The following KCNN4 variants were observed in gnomAD, a reference collection of about 807,000 sequenced individuals.
KCNN4 encodes the protein intermediate conductance calcium-activated potassium channel protein 4.
In KCNN4, 31 loss-of-function variants were observed where a neutral mutation model predicts 45.2. The ratio of observed to expected loss-of-function variants is 0.69; its 90% CI spans 0.52 to 0.92. The LOEUF is 0.92. Among genes scored for constraint, KCNN4 ranks in the 40% least tolerant of loss-of-function variants. The pLI, the probability that KCNN4 is intolerant of heterozygous loss-of-function variation, is 0.00. For synonymous variants in KCNN4, 231 were observed against 254.6 expected, an observed-to-expected ratio of 0.91 and a Z score of 0.88; for missense variants, 463 against 574.0, an observed-to-expected ratio of 0.81 and a Z score of 1.98.
rs200483738 is a variant in KCNN4, at chr19:43,774,335, G to C, written c.540C>G (p.Arg180=). ...GGACTTGATTGAGAGCGCCGATGCT[G>C]CGGTAGGAAGCGTTGAGCAGGACGC... The part of the protein sequence containing the change: ...RSGVLLNASY[R]SIGALNQVRF... The change falls in exon 3 of 9, where the codon CGC becomes CGG. Residue 180 remains arginine, a synonymous_variant. Transcript: ENST00000648319. The surrounding 1 kb of genome is among the most constrained non-coding windows in gnomAD (Gnocchi z 5.6). The C allele has an allele frequency of 6.3e-5, 101 of 1,610,826 alleles. No individual in the cohort carries two copies. The African/African-American group carries it at 1.1e-3, about 18-fold the overall frequency.
At position 43,771,982 on chromosome 19, in the gene KCNN4, C is replaced by A; in HGVS notation, c.819+18G>T. 2.5e-6 allele frequency: 4 copies of A among 1,585,368 alleles called. No individual in the cohort carries two copies. The highest frequency in any genetic ancestry group is 3.4e-6 in the Non-Finnish European group (4 of 1,166,964). On this transcript the variant is annotated intron_variant, in intron 4 of 8. Transcript: ENST00000648319. ...CAGTTTGGGATAGGGATCATGTCCC[C>A]AAGGCAGCTGTACTCACCATGACTC...
chr19:43,780,660 C>T, intron 1 of KCNN4, 43 bp downstream of exon 1: 2 of 1,569,794 alleles, frequency 1.3e-6, no homozygotes, highest in Non-Finnish European at 1.7e-6. Flanking sequence ...CCTCCTCCCT[C>T]AGACCTAGGA....
chr19:43,768,533 T>C (rs186941830), intron 7 of KCNN4, among the ~76,000 whole-genome samples: 1 of 152,326 alleles, frequency 6.6e-6, no homozygotes, highest in Non-Finnish European at 1.5e-5. Flanking sequence ...GCAGCAGAGA[T>C]TGAGTTTTAC....
Position 43,776,370 on chromosome 19 carries a change from C to T in KCNN4, c.255+171G>A, listed in dbSNP as rs1599679357. On this transcript the variant is annotated intron_variant, in intron 2 of 8. Transcript: ENST00000648319. ...GGCGGAGCTGGTGGGGGAGGCTCTG[C>T]CTGTCTGCTCATGGTTCATCCCATC... is the stretch of plus-strand genomic sequence containing the variant. 4.6e-5 allele frequency among the ~76,000 whole-genome samples: 7 copies of T among 152,066 alleles called. No homozygotes were observed. In the South Asian group the frequency reaches 1.5e-3, roughly 32 times the overall value.
rs778164116 is a variant in KCNN4 at position 43,774,568 on chromosome 19, G to A, written c.307C>T (p.Arg103Trp). The A allele has an allele frequency of 1.3e-6, 2 of 1,547,950 alleles. No individual in the cohort carries two copies. The highest frequency in any genetic ancestry group is 1.7e-4 in the Middle Eastern group (1 of 5,732). Residue 103 changes from arginine (R) to tryptophan (W), a missense_variant, in exon 3 of 9, where the codon CGG (arginine) becomes TGG (tryptophan). Arg to Trp is a moderately radical substitution (Grantham distance 101). Coordinates refer to ENST00000648319, the MANE Select transcript of KCNN4 (RefSeq NM_002250.3). This position sits in a 1 kb window ranked among gnomAD's most constrained non-coding sequence, Gnocchi z 5.6. The part of the protein sequence containing the change: ...LRDWRVALTG[R>W]QAAQIVLELV... The stretch of plus-strand genomic sequence containing the variant: ...TCCAGCACGATCTGCGCCGCCTGCC[G>A]CCCGGTCAGCGCCACGCGCCAGTCC...
chr19:43,771,934 G>T (rs1969654901), intron 4 of KCNN4, 66 bp downstream of exon 4: 2 of 1,508,432 alleles, frequency 1.3e-6, no homozygotes, highest in East Asian at 4.8e-5. Flanking sequence ...TTTAATCATG[G>T]CTTCCTGGGG....
intron 1 of KCNN4, among the ~76,000 whole-genome samples, chr19:43,778,599 G>T (rs1969882327): frequency 6.6e-6 from 1 of 152,122 alleles, no homozygotes; most frequent in Non-Finnish European, 1.5e-5. Flanking sequence ...TCAGTAGCTT[G>T]ATAGCCCTAT....
intron 1 of KCNN4, among the ~76,000 whole-genome samples, chr19:43,778,380 C>T (rs1355682680): frequency 6.6e-6 from 1 of 152,196 alleles, no homozygotes; most frequent in Non-Finnish European, 1.5e-5. Flanking sequence ...GCTGGGACTA[C>T]AGGCACACGC....
chr19:43,769,704 A>G lies in KCNN4; in HGVS notation c.930+15T>C, dbSNP rs374339282. On this transcript the variant is annotated intron_variant, in intron 5 of 8. Coordinates refer to ENST00000648319, the MANE Select transcript of KCNN4 (RefSeq NM_002250.3). This position sits in a 1 kb window ranked among gnomAD's most constrained non-coding sequence, Gnocchi z 4.4. ...GGAAGAGGGGTGTCCCATGGGTGCC[A>G]TATGCCCATCTCACCTCTTTGGTAT... The G allele has an allele frequency of 1.6e-5, 26 of 1,602,530 alleles. No homozygotes were observed. The South Asian group carries it at 2.4e-4, about 15-fold the overall frequency.
At position 43,776,670 on chromosome 19, in the gene KCNN4, C is replaced by T. The variant is rs201100292; in HGVS notation, c.160-34G>A. Reference sequence around the variant, plus strand: ...GGGGACGGAAAAAGCGGTGTGAGATCCCAGGTCTCCCTCCGCCTGGCCCTC... The same window carrying T: ...GGGGACGGAAAAAGCGGTGTGAGATTCCAGGTCTCCCTCCGCCTGGCCCTC... On this transcript the variant is annotated intron_variant, in intron 1 of 8. Coordinates refer to ENST00000648319, the MANE Select transcript of KCNN4 (RefSeq NM_002250.3). The T allele has an allele frequency of 3.2e-4, 446 of 1,412,928 alleles. 2 individuals are homozygous for T. In the African/African-American group the frequency reaches 5.6e-3, roughly 18 times the overall value. The allele number at this position is 1,412,928 out of a possible 1,614,324, so 87.5% of individuals were successfully genotyped here.
chr19:43,779,157 A>T (rs1969899652), intron 1 of KCNN4, among the ~76,000 whole-genome samples: 1 of 152,218 alleles, frequency 6.6e-6, no homozygotes, highest in South Asian at 2.1e-4. Flanking sequence ...TGATAGAGGC[A>T]GTGGCCTGGC....
rs1239504310 is a variant in KCNN4, at chr19:43,772,190, T to C, written c.684-55A>G. 6.3e-7 allele frequency: 1 copy of C among 1,592,768 alleles called. No individual in the cohort carries two copies. Among genetic ancestry groups the C allele is most frequent in the African/African-American group, 1.3e-5 (1 of 74,216 alleles). On this transcript the variant is annotated intron_variant, in intron 3 of 8. Coordinates refer to ENST00000648319, the MANE Select transcript of KCNN4 (RefSeq NM_002250.3). The surrounding 1 kb of genome is among the most constrained non-coding windows in gnomAD (Gnocchi z 4.4). ...CCCCACCATAGAGGTTTCCATGATATTCACTCCCCTTCCCTCTATACCCTC... is the reference window on the plus strand; with the variant it reads ...CCCCACCATAGAGGTTTCCATGATACTCACTCCCCTTCCCTCTATACCCTC...
At chr19:43,777,298 G>GGTGTGTGTGTGT (rs370942754) in intron 1 of KCNN4, among the ~76,000 whole-genome samples, 10 of 33,114 alleles carry the variant, frequency 3.0e-4, no homozygotes, top group African/African-American at 6.0e-4. Context: ...TAGTTCTTCA[G>GGTGTGTGTGTGT]GTGTGTGTGT....
At chr19:43,767,798 A>G in intron 7 of KCNN4, 91 bp from the exon 8 acceptor site, 1 of 1,460,994 alleles carries the variant, frequency 6.8e-7, no homozygotes, top group African/African-American at 1.4e-5. Flanking sequence ...TATTGACCAC[A>G]TCCTTATGGT....
chr19:43,776,820 C>A, intron 1 of KCNN4, 184 bp from the exon 2 acceptor site: 1 of 593,818 alleles, frequency 1.7e-6, no homozygotes, highest in South Asian at 1.9e-5. Flanking sequence ...CATCTGGGCC[C>A]AGTGCGGTGG....
At position 43,774,546 on chromosome 19, in the gene KCNN4, A is replaced by AGCACGATCTGCGCCGCCTGCC; in HGVS notation, c.308_328dup (p.Arg103_Val109dup). 6.3e-7 allele frequency: 1 copy of AGCACGATCTGCGCCGCCTGCC among 1,582,628 alleles called. No individual in the cohort carries two copies. The highest frequency in any genetic ancestry group is 8.5e-7 in the Non-Finnish European group (1 of 1,170,686). ...GTGCAGCCCACACACCACCAGCTCC[A>AGCACGATCTGCGCCGCCTGCC]GCACGATCTGCGCCGCCTGCCGCCC... On this transcript the variant is annotated inframe_insertion, in exon 3 of 9. Transcript: ENST00000648319. This position sits in a 1 kb window ranked among gnomAD's most constrained non-coding sequence, Gnocchi z 5.6.
At chr19:43,777,381 CCCCTT>C (rs775262845) in intron 1 of KCNN4, among the ~76,000 whole-genome samples, 7 of 151,784 alleles carry the variant, frequency 4.6e-5, no homozygotes, top group East Asian at 3.9e-4. Context: ...AGTGCCCCCT[CCCCTT>C]CCCTTCCTAC....
At position 43,772,234 on chromosome 19, in the gene KCNN4, T is replaced by G; in HGVS notation, c.684-99A>C. 1 of 1,277,318 alleles carries G rather than the reference T, an allele frequency of 7.8e-7. No homozygotes were observed. The highest frequency in any genetic ancestry group is 1.1e-6 in the Non-Finnish European group (1 of 926,182). The allele number at this position is 1,277,318 out of a possible 1,614,324, so 79.1% of individuals were successfully genotyped here. On this transcript the variant is annotated intron_variant, in intron 3 of 8. Coordinates refer to ENST00000648319, the MANE Select transcript of KCNN4 (RefSeq NM_002250.3). The surrounding 1 kb of genome is among the most constrained non-coding windows in gnomAD (Gnocchi z 4.4). Reference sequence around the variant, plus strand: ...TACCCTCCCATCCCCTTCCCTCTGGTTCCCTCCCTTCCCCTCCCAGTATAC... The same window carrying G: ...TACCCTCCCATCCCCTTCCCTCTGGGTCCCTCCCTTCCCCTCCCAGTATAC...
intron 2 of KCNN4, among the ~76,000 whole-genome samples, chr19:43,776,319 AG>A (rs560653281): frequency 1.7e-4 from 24 of 143,654 alleles, no homozygotes; most frequent in East Asian, 1.1e-3. Flanking sequence ...TGAGTGTGCA[AG>A]GGGGGGCTGG....
Sources: gnomAD v4.1 joint callset for allele counts (sites outside exome capture counted in the v4.1 genomes callset) on GRCh38, gnomAD v4.1.1 for gene constraint, Gnocchi (gnomAD v3.1) non-coding constraint, MANE v1.5 for transcripts, NCBI Gene and HGNC (gene_info 2026-07-23, HGNC 2026-07-21) for gene names.